The following DTX1 variants were observed in gnomAD, a reference collection of about 807,000 sequenced individuals.
DTX1 encodes the protein deltex E3 ubiquitin ligase 1.
In DTX1, 26 loss-of-function variants were observed where a neutral mutation model predicts 57.8. The ratio of observed to expected loss-of-function variants is 0.45; its 90% CI spans 0.33 to 0.62. The LOEUF is 0.62. DTX1 is among the 20% of genes least tolerant of loss of function. DTX1 has a pLI of 0.02. For synonymous variants in DTX1, 398 were observed against 394.1 expected (o/e 1.01, Z -0.12); for missense variants, 704 against 895.3 (o/e 0.79, Z 2.73).
At chr12:113,096,361 G>C (rs1950291648) in intron 9 of DTX1, among the ~76,000 whole-genome samples, 1 of 144,028 alleles carries the variant, frequency 6.9e-6, no homozygotes, top group Non-Finnish European at 1.5e-5. Flanking sequence ...GATTGTTGGA[G>C]CCCAGGAGTT....
At chr12:113,073,536 C>A (rs374845117) in intron 2 of DTX1, among the ~76,000 whole-genome samples, 7 of 152,316 alleles carry the variant, frequency 4.6e-5, no homozygotes, top group Admixed American at 6.5e-5. Flanking sequence ...ACCTCTCCAC[C>A]TCTTCAACCC....
intron 2 of DTX1, among the ~76,000 whole-genome samples, chr12:113,063,869 A>G (rs1353034397): frequency 6.6e-6 from 1 of 152,226 alleles, no homozygotes; most frequent in Admixed American, 6.5e-5. Flanking sequence ...CACCTCCAGA[A>G]TTAGACACCA....
intron 2 of DTX1, among the ~76,000 whole-genome samples, chr12:113,063,849 C>T (rs989268783): frequency 2.0e-5 from 3 of 152,304 alleles, no homozygotes; most frequent in Admixed American, 6.5e-5. Context: ...TTTCCCATCA[C>T]CGGGGAAAAC....
intron 3 of DTX1, among the ~76,000 whole-genome samples, chr12:113,086,695 AT>A (rs1260826052): frequency 7.4e-5 from 11 of 149,250 alleles, no homozygotes; most frequent in African/African-American, 2.7e-4. Context: ...TTATGCTTTT[AT>A]TTTTAAAAAA....
intron 2 of DTX1, among the ~76,000 whole-genome samples, chr12:113,074,736 G>T (rs748147823): frequency 6.6e-6 from 1 of 152,196 alleles, no homozygotes; most frequent in African/African-American, 2.4e-5. Flanking sequence ...GAGATAACAT[G>T]GCGGGGACTG....
intron 3 of DTX1, among the ~76,000 whole-genome samples, chr12:113,086,919 C>T (rs558488446): frequency 1.3e-4 from 19 of 150,658 alleles, no homozygotes; most frequent in Non-Finnish European, 2.4e-4. Flanking sequence ...ACTCCCCCCA[C>T]CCTGCCCCCC....
chr12:113,082,098 A>G (rs1050486511), intron 3 of DTX1, among the ~76,000 whole-genome samples: 3 of 152,122 alleles, frequency 2.0e-5, no homozygotes, highest in African/African-American at 7.2e-5. Flanking sequence ...CACAGCCGAC[A>G]TCATTTCTCC....
chr12:113,066,922 G>T (rs1566014209), intron 2 of DTX1, among the ~76,000 whole-genome samples: 1 of 152,030 alleles, frequency 6.6e-6, no homozygotes, highest in African/African-American at 2.4e-5. Context: ...TCTAGGTCCC[G>T]CATAGTTGTG....
At chr12:113,065,642 G>A (rs977214451) in intron 2 of DTX1, among the ~76,000 whole-genome samples, 1 of 152,204 alleles carries the variant, frequency 6.6e-6, no homozygotes, top group Non-Finnish European at 1.5e-5. Context: ...GTGATGGGAA[G>A]CGTGGGGGCT....
At chr12:113,090,049 T>A (rs1363046859) in intron 3 of DTX1, 1 of 152,212 alleles carries the variant, frequency 6.6e-6, no homozygotes, top group African/African-American at 2.4e-5. Context: ...GGATTAGTGA[T>A]GTCTGCCACA....
In DTX1 at chr12:113,058,108, G is replaced by T. The variant is rs2044641357; in HGVS notation, c.-85G>T. 4.1e-6 allele frequency: 6 copies of T among 1,467,788 alleles called. No homozygotes were observed. Among genetic ancestry groups the T allele is most frequent in the Non-Finnish European group, 4.5e-6 (5 of 1,110,928 alleles). 90.9% of individuals were successfully genotyped at this position (1,467,788 alleles called of 1,614,324 possible). ...ACGGTCCTTGCTGTCCCCCTGGGGA[G>T]AGAGGAAGTTGCCGCCTGCTGCCAG... is the stretch of plus-strand genomic sequence containing the variant. On this transcript the variant is annotated 5_prime_UTR_variant, in exon 2 of 10. Transcript: ENST00000548759.
chr12:113,073,172 C>T (rs2044748963), intron 2 of DTX1, among the ~76,000 whole-genome samples: 1 of 152,196 alleles, frequency 6.6e-6, no homozygotes, highest in East Asian at 1.9e-4. Context: ...ACACTGCCTT[C>T]ACCTCACCAG....
At chr12:113,090,311 A>C (rs1164447317) in intron 3 of DTX1, among the ~76,000 whole-genome samples, 1 of 152,108 alleles carries the variant, frequency 6.6e-6, no homozygotes, top group East Asian at 1.9e-4. Context: ...AGGAAGTTAG[A>C]GTGGTGACAG....
At chr12:113,088,337 G>A (rs1218909627) in intron 3 of DTX1, among the ~76,000 whole-genome samples, 14 of 152,210 alleles carry the variant, frequency 9.2e-5, no homozygotes, top group African/African-American at 1.9e-4. Context: ...AAGGCATGCC[G>A]AAATTGATTA....
At position 113,078,116 on chromosome 12, in the gene DTX1, GC is replaced by G; in HGVS notation, c.941+14del. 2 of 1,357,256 alleles carry G rather than the reference GC, an allele frequency of 1.5e-6. No homozygotes were observed. Among genetic ancestry groups the G allele is most frequent in the African/African-American group, 1.5e-5 (1 of 65,134 alleles). The allele number at this position is 1,357,256 out of a possible 1,614,324, so 84.1% of individuals were successfully genotyped here. ...CTCCATCCCGCCGGGGTAAGACGGG[GC>G]CCAGGGGGAGGGGGCCTCTGCGTCG... On this transcript the variant is annotated intron_variant, in intron 3 of 9. Coordinates refer to ENST00000548759, the MANE Select transcript of DTX1 (RefSeq NM_004416.3).
At chr12:113,081,799 A>G (rs868503561) in intron 3 of DTX1, among the ~76,000 whole-genome samples, 22 of 152,242 alleles carry the variant, frequency 1.4e-4, no homozygotes, top group Admixed American at 2.0e-4. Context: ...GCAAAGGGGC[A>G]GAGGTAGGAA....
intron 2 of DTX1, among the ~76,000 whole-genome samples, chr12:113,070,449 C>A (rs889733046): frequency 6.6e-6 from 1 of 152,218 alleles, no homozygotes; most frequent in South Asian, 2.1e-4. Context: ...GAAGCCACCC[C>A]CAAAGGGAGG....
At position 113,058,079 on chromosome 12, in the gene DTX1, C is replaced by T; in HGVS notation, c.-114C>T. The T allele has an allele frequency of 7.0e-7, 1 of 1,428,252 alleles. No homozygotes were observed. The highest frequency in any genetic ancestry group is 9.2e-7 in the Non-Finnish European group (1 of 1,089,642). The allele number at this position is 1,428,252 out of a possible 1,614,324, so 88.5% of individuals were successfully genotyped here. On this transcript the variant is annotated 5_prime_UTR_variant, in exon 2 of 10. Transcript: ENST00000548759. The stretch of plus-strand genomic sequence containing the variant: ...AGAGAACCCAGAGTTAGAAAGGAGG[C>T]CAGACGGTCCTTGCTGTCCCCCTGG...
At position 113,093,505 on chromosome 12, in the gene DTX1, G is replaced by A; in HGVS notation, c.1004-34G>A. The A allele has an allele frequency of 1.3e-6, 2 of 1,551,188 alleles. No homozygotes were observed. Among genetic ancestry groups the A allele is most frequent in the East Asian group, 2.3e-5 (1 of 42,890 alleles). On this transcript the variant is annotated intron_variant, in intron 4 of 9. Transcript: ENST00000548759. This position sits in a 1 kb window ranked among gnomAD's most constrained non-coding sequence, Gnocchi z 4.2. ...GGTCGGGGGTTTGGGCGGGGATGGCGCCCCGCCCTGTGACTGCGCCCCCTA... is the reference window on the plus strand; with the variant it reads ...GGTCGGGGGTTTGGGCGGGGATGGCACCCCGCCCTGTGACTGCGCCCCCTA...
Sources: allele counts gnomAD v4.1 joint callset (sites outside exome capture counted in the v4.1 genomes callset), GRCh38; gene constraint gnomAD v4.1.1; non-coding constraint Gnocchi (gnomAD v3.1); transcripts MANE v1.5; gene names NCBI Gene and HGNC (gene_info 2026-07-23, HGNC 2026-07-21).